PLB1: variants seen among roughly 807,000 people sequenced by gnomAD.
PLB1 encodes the protein phospholipase B1, membrane-associated.
PLB1 carries 242 observed loss-of-function variants against 227.4 expected under a neutral mutation model. The ratio of observed to expected loss-of-function variants is 1.06; its 90% CI spans 0.96 to 1.18. The LOEUF is 1.18. Ranked by LOEUF, PLB1 falls within the 50% of genes most tolerant of loss-of-function variation. The pLI is 0.00. For missense variants in PLB1, 1,858 were observed against 1,816.3 expected (o/e 1.02, Z -0.42); for synonymous variants, 757 against 682.2 (o/e 1.11, Z -1.71).
At chr2:28,561,218 C>G (rs1036398111) in intron 17 of PLB1, among the ~76,000 whole-genome samples, 1 of 152,196 alleles carries the variant, frequency 6.6e-6, no homozygotes, top group Non-Finnish European at 1.5e-5. Context: ...TTCTCTGTTT[C>G]TGATCACTGT....
chr2:28,636,287 C>T (rs1442208025), intron 56 of PLB1, among the ~76,000 whole-genome samples: 1 of 152,162 alleles, frequency 6.6e-6, no homozygotes, highest in Non-Finnish European at 1.5e-5. Flanking sequence ...TGGTCTTTAA[C>T]TCCTGACCTC....
chr2:28,518,791 G>A (rs1315864405), intron 3 of PLB1, among the ~76,000 whole-genome samples: 1 of 152,174 alleles, frequency 6.6e-6, no homozygotes, highest in African/African-American at 2.4e-5. Context: ...TTAGAGCTTG[G>A]CCATTCATGG....
At chr2:28,629,227 G>A (rs371622421) in intron 53 of PLB1, 42 bp downstream of exon 53, 3 of 1,586,358 alleles carry the variant, frequency 1.9e-6, no homozygotes, top group African/African-American at 1.3e-5. Flanking sequence ...GGCACCTGGG[G>A]TGAGGAGGGC....
At chr2:28,523,661 A>G (rs540119240) in intron 4 of PLB1, among the ~76,000 whole-genome samples, 2 of 151,266 alleles carry the variant, frequency 1.3e-5, no homozygotes, top group Admixed American at 1.3e-4. Context: ...TCCTCCCAAC[A>G]TCTCTCTTTA....
intron 43 of PLB1, among the ~76,000 whole-genome samples, chr2:28,607,448 C>T (rs1289459073): frequency 6.6e-6 from 1 of 152,172 alleles, no homozygotes; most frequent in Non-Finnish European, 1.5e-5. Flanking sequence ...CTACCCCAGT[C>T]TTGGGCTCAG....
rs377295534 is a variant in PLB1 at position 28,579,584 on chromosome 2, C to G, written c.1486-43C>G. ...GCATTTTGTGTTTTCCTTGACTTGA[C>G]TCTGGGACAAGGTGCTTACTTCTGT... On this transcript the variant is annotated intron_variant, in intron 22 of 57. Transcript: ENST00000327757. The G allele has an allele frequency of 1.5e-4, 229 of 1,516,530 alleles. 1 individual carries two copies. The African/African-American group carries it at 2.6e-3, about 17-fold the overall frequency. The allele number at this position is 1,516,530 out of a possible 1,614,324, so 93.9% of individuals were successfully genotyped here. A position where few individuals can be genotyped will look rare whatever the true frequency, so the allele number is the denominator to read the frequency against.
At chr2:28,640,686 G>A (rs1212342437) in intron 56 of PLB1, among the ~76,000 whole-genome samples, 1 of 152,162 alleles carries the variant, frequency 6.6e-6, no homozygotes, top group Non-Finnish European at 1.5e-5. Context: ...CAAATCCAGG[G>A]GCACAGACTC....
chr2:28,589,630 T>C lies in PLB1; in HGVS notation c.1921-45T>C, dbSNP rs1052860543. On this transcript the variant is annotated intron_variant, in intron 27 of 57. Transcript: ENST00000327757. ...CTGTTTCTGAGTGTCACTTATATGATCCAGTGTGTCTATAACTGCCTCTCT... is the reference window on the plus strand; with the variant it reads ...CTGTTTCTGAGTGTCACTTATATGACCCAGTGTGTCTATAACTGCCTCTCT... 5 of 1,606,090 alleles carry C rather than the reference T, an allele frequency of 3.1e-6. No homozygotes were observed. The Admixed American group carries it at 6.7e-5, about 21-fold the overall frequency.
intron 54 of PLB1, 44 bp from the exon 55 acceptor site, chr2:28,631,992 C>A: frequency 6.5e-7 from 1 of 1,527,962 alleles, no homozygotes; most frequent in Non-Finnish European, 9.1e-7. Flanking sequence ...CCTGTCTGTG[C>A]AGCCTTGCCA....
intron 1 of PLB1, among the ~76,000 whole-genome samples, chr2:28,506,555 A>C (rs1667658305): frequency 6.6e-6 from 1 of 152,206 alleles, no homozygotes; most frequent in Non-Finnish European, 1.5e-5. Flanking sequence ...AGACTTCTAA[A>C]ATGATTGAAT....
rs759047766 is a variant in PLB1 at position 28,582,128 on chromosome 2, G to A, written c.1627G>A (p.Ala543Thr). 1.9e-6 allele frequency: 3 copies of A among 1,613,626 alleles called. No homozygotes were observed. Among genetic ancestry groups the A allele is most frequent in the Non-Finnish European group, 8.5e-7 (1 of 1,179,504 alleles). ...TGGAAAGGCCCTGGACATCCTCCAT[G>A]CTGAGGTACGGAGGCTAGGCCATGA... ...NIGKALDILHAEVPRAFVNLV... is the reference protein window; with the variant it reads ...NIGKALDILHTEVPRAFVNLV... The change falls in exon 24 of 58, where the codon GCT becomes ACT. Residue 543 changes from alanine (A) to threonine (T), a missense_variant. Transcript: ENST00000327757.
chr2:28,574,344 C>CCA (rs774349720), intron 21 of PLB1, among the ~76,000 whole-genome samples: 1 of 125,236 alleles, frequency 8.0e-6, no homozygotes, highest in East Asian at 2.2e-4. Context: ...TCACCCCCCC[C>CCA]ACCCTTCCTC....
At chr2:28,504,635 A>C (rs1268802819) in intron 1 of PLB1, among the ~76,000 whole-genome samples, 3 of 152,048 alleles carry the variant, frequency 2.0e-5, no homozygotes, top group Non-Finnish European at 2.9e-5. Context: ...CCCGATACTC[A>C]GGAGGTTGAG....
intron 17 of PLB1, among the ~76,000 whole-genome samples, chr2:28,560,118 T>G (rs6728960): frequency 0.25 from 37,712 of 152,098 alleles, 5,019 homozygotes; most frequent in East Asian, 0.53. Context: ...TTTATCCTTC[T>G]TAAGCACTTA....
At chr2:28,567,599 G>GAGT (rs1461722666) in intron 20 of PLB1, among the ~76,000 whole-genome samples, 4 of 147,768 alleles carry the variant, frequency 2.7e-5, no homozygotes, top group Non-Finnish European at 4.4e-5. Context: ...TCAGCCTCCC[G>GAGT]AGTAGCTGGG....
At chr2:28,525,822 A>T in intron 5 of PLB1, 83 bp from the exon 6 acceptor site, 3 of 1,538,794 alleles carry the variant, frequency 1.9e-6, no homozygotes, top group Non-Finnish European at 2.7e-6. Flanking sequence ...GACTACTATG[A>T]AATAGACCAC....
rs372695291 is a variant in PLB1 at position 28,602,877 on chromosome 2, G to C, written c.2730G>C (p.Gln910His). Residue 910 changes from glutamine to histidine, a missense_variant, in exon 39 of 58, where the codon CAG (glutamine) becomes CAC (histidine). Physicochemically the swap from Gln to His is conservative, Grantham distance 24. Coordinates refer to ENST00000327757, the MANE Select transcript of PLB1 (RefSeq NM_153021.5). ...TCCTGAACCCCACTATCATGCGGCA[G>C]GTGTTCCTGGGAAACCCAGACAAGT... ...VDFLNPTIMR[Q>H]VFLGNPDKCP... is the part of the protein sequence containing the mutation. 5.5e-5 allele frequency: 89 copies of C among 1,614,078 alleles called. No individual in the cohort carries two copies. Among genetic ancestry groups the C allele is most frequent in the Non-Finnish European group, 7.2e-5 (85 of 1,180,030 alleles).
chr2:28,548,730 G>A (rs758490036), intron 14 of PLB1, 130 bp from the exon 15 acceptor site: 235 of 837,650 alleles, frequency 2.8e-4, no homozygotes, highest in Non-Finnish European at 1.5e-4. Flanking sequence ...TGGGGATGGG[G>A]GCTGGACACG....
Position 28,576,667 on chromosome 2 carries a change from T to G in PLB1, c.1434-1440T>G, listed in dbSNP as rs1256774282. On this transcript the variant is annotated intron_variant, in intron 21 of 57. Coordinates refer to ENST00000327757, the MANE Select transcript of PLB1 (RefSeq NM_153021.5). ...ATTGCTTGAACCTGGGAGGTGGAGG[T>G]TGCAGTGAACTGAGATCACGCCATT... 3.3e-5 allele frequency among the ~76,000 whole-genome samples: 5 copies of G among 151,832 alleles called. No individual in the cohort carries two copies. In the South Asian group the frequency reaches 6.3e-4, roughly 19 times the overall value.
Sources: gnomAD v4.1 joint callset for allele counts (sites outside exome capture counted in the v4.1 genomes callset) on GRCh38, gnomAD v4.1.1 for gene constraint, MANE v1.5 for transcripts, NCBI Gene and HGNC (gene_info 2026-07-23, HGNC 2026-07-21) for gene names.